CAPRIN1: variants seen among roughly 807,000 people sequenced by gnomAD.
CAPRIN1 encodes the protein caprin-1.
A neutral mutation model predicts 100.9 loss-of-function variants in CAPRIN1; 29 were observed. That is an observed-to-expected ratio of 0.29 (90% CI 0.21 to 0.39). The LOEUF (loss-of-function observed/expected upper bound fraction) is 0.39, where lower values mean the gene tolerates loss of function less well. CAPRIN1 is among the 10% of genes least tolerant of loss of function. The pLI is 1.00. For synonymous variants in CAPRIN1, 338 were observed against 307.5 expected, an observed-to-expected ratio of 1.10 and a Z score of -1.04; for missense variants, 795 against 876.7, an observed-to-expected ratio of 0.91 and a Z score of 1.18.
At chr11:34,071,576 T>A (rs1003707643) in intron 2 of CAPRIN1, 150 bp from the exon 3 acceptor site, 56 of 570,652 alleles carry the variant, frequency 9.8e-5, no homozygotes, top group East Asian at 6.8e-4. Context: ...AAAAAAAAAA[T>A]TTATGTACTT....
intron 16 of CAPRIN1, 40 bp downstream of exon 16, chr11:34,096,713 A>T: frequency 6.8e-7 from 1 of 1,460,268 alleles, no homozygotes; most frequent in Non-Finnish European, 9.3e-7. Flanking sequence ...ACCTTTTACT[A>T]GTTCAAATTA....
chr11:34,064,786 T>C (rs1324212206), intron 2 of CAPRIN1, among the ~76,000 whole-genome samples: 1 of 152,080 alleles, frequency 6.6e-6, no homozygotes. Context: ...TGGTAACCCC[T>C]AAGTGTTCAG....
At chr11:34,056,025 GTTT>G (rs926216118) in intron 2 of CAPRIN1, among the ~76,000 whole-genome samples, 1 of 152,164 alleles carries the variant, frequency 6.6e-6, no homozygotes, top group Non-Finnish European at 1.5e-5. Context: ...AGACTTAACT[GTTT>G]TTAAGTATAA....
chr11:34,086,175 C>A lies in CAPRIN1; in HGVS notation c.1078C>A (p.Gln360Lys). The change falls in exon 10 of 19, where the codon CAA (glutamine) becomes AAA (lysine). Residue 360 changes from glutamine (Q) to lysine (K), a missense_variant. By Grantham distance (53) the Gln-to-Lys change is moderately conservative. Transcript: ENST00000341394. ...ADPLVRRQRV[Q>K]DLMAQMQGPY... ...TCCCCTTGTGAGAAGACAGCGAGTA[C>A]AAGACCTTATGGCACAAATGCAGGG... The A allele has an allele frequency of 6.2e-7, 1 of 1,614,158 alleles. No individual in the cohort carries two copies. Among genetic ancestry groups the A allele is most frequent in the East Asian group, 2.2e-5 (1 of 44,882 alleles).
In CAPRIN1 at chr11:34,052,522, C is replaced by T; in HGVS notation, c.102C>T (p.Ala34=). The T allele has an allele frequency of 6.2e-7, 1 of 1,604,416 alleles. No homozygotes were observed. The highest frequency in any genetic ancestry group is 8.5e-7 in the Non-Finnish European group (1 of 1,176,218). The stretch of plus-strand genomic sequence containing the variant: ...GTGAGGCGGCCGCGGGAGCCGGGGC[C>T]GCCGCGCCGGCTTCTCAGCACCCCG... ...SGSEAAAGAG[A]AAPASQHPAT... is the part of the protein sequence containing the mutation. Residue 34 remains alanine (A), a synonymous_variant, in exon 2 of 19, where the codon GCC becomes GCT. Transcript: ENST00000341394.
intron 9 of CAPRIN1, among the ~76,000 whole-genome samples, chr11:34,085,483 G>A (rs1013515078): frequency 6.6e-6 from 1 of 152,210 alleles, no homozygotes; most frequent in Admixed American, 6.5e-5. Flanking sequence ...TGTAAACACA[G>A]GTAATCTTTC....
chr11:34,062,524 C>T (rs111941440), intron 2 of CAPRIN1, among the ~76,000 whole-genome samples: 1,826 of 150,656 alleles, frequency 0.012, 28 homozygotes, highest in Non-Finnish European at 0.016. Context: ...ACTCGGGAGG[C>T]TGAGGCAGGA....
intron 11 of CAPRIN1, among the ~76,000 whole-genome samples, chr11:34,087,258 G>A (rs543086238): frequency 8.8e-4 from 133 of 150,618 alleles, no homozygotes; most frequent in African/African-American, 3.1e-3. Context: ...GTAAAAGTAT[G>A]TTTAATGACA....
intron 2 of CAPRIN1, 181 bp downstream of exon 2, chr11:34,052,817 G>C: frequency 6.9e-7 from 1 of 1,449,946 alleles, no homozygotes; most frequent in Non-Finnish European, 9.1e-7. Context: ...CCCAGAAAAC[G>C]GGCTCTTGGA....
chr11:34,077,165 A>G (rs1390045187), intron 6 of CAPRIN1, among the ~76,000 whole-genome samples: 1 of 152,254 alleles, frequency 6.6e-6, no homozygotes, highest in Admixed American at 6.5e-5. Context: ...TGTGGAAATC[A>G]GAACACCAGC....
intron 11 of CAPRIN1, among the ~76,000 whole-genome samples, chr11:34,088,740 A>G (rs1361015105): frequency 6.6e-6 from 1 of 152,140 alleles, no homozygotes; most frequent in African/African-American, 2.4e-5. Context: ...ATGCCACTTT[A>G]TTGTACAGCT....
chr11:34,063,041 T>C (rs767137328), intron 2 of CAPRIN1: 5 of 152,162 alleles, frequency 3.3e-5, no homozygotes, highest in Admixed American at 6.6e-5. Flanking sequence ...TTGTTGGCTA[T>C]AACAATAAAG....
chr11:34,090,688 T>TTAAC lies in CAPRIN1; in HGVS notation c.1554+15_1554+18dup. On this transcript the variant is annotated intron_variant, in intron 14 of 18. Transcript: ENST00000341394. ...CCAATCCATGCAAACGGTAAGCAAA[T>TTAAC]TAACTAACATTAATTGCCTAGTATG... is the stretch of plus-strand genomic sequence containing the variant. The TTAAC allele has an allele frequency of 6.2e-7, 1 of 1,609,426 alleles. No individual in the cohort carries two copies. The highest frequency in any genetic ancestry group is 1.1e-5 in the South Asian group (1 of 90,828).
At chr11:34,060,659 C>T (rs1046410516) in intron 2 of CAPRIN1, among the ~76,000 whole-genome samples, 10 of 152,112 alleles carry the variant, frequency 6.6e-5, no homozygotes, top group South Asian at 2.1e-4. Context: ...TTTAAAAGGA[C>T]GACGGTAGAA....
At position 34,052,469 on chromosome 11, in the gene CAPRIN1, C is replaced by G. The variant is rs1185250576; in HGVS notation, c.49C>G (p.Pro17Ala). 2.5e-6 allele frequency: 4 copies of G among 1,607,554 alleles called. No homozygotes were observed. Among genetic ancestry groups the G allele is most frequent in the Non-Finnish European group, 2.5e-6 (3 of 1,178,702 alleles). Residue 17 changes from proline (P) to alanine (A), a missense_variant, in exon 2 of 19, where the codon CCG (proline) becomes GCG (alanine). This residue lies in a region of CAPRIN1 where 109 missense variants were observed against 86.6 expected (regional missense o/e 1.26). Coordinates refer to ENST00000341394, the MANE Select transcript of CAPRIN1 (RefSeq NM_005898.5). ...HSGSGSKSSG[P>A]PPPSGSSGSE... ...CGGGAGCGGCAGCAAGTCGTCCGGACCGCCACCGCCGTCGGGTTCCTCCGG... is the reference window on the plus strand; with the variant it reads ...CGGGAGCGGCAGCAAGTCGTCCGGAGCGCCACCGCCGTCGGGTTCCTCCGG...
At position 34,091,954 on chromosome 11, in the gene CAPRIN1, T is replaced by G; in HGVS notation, c.1603T>G (p.Leu535Val). Reference sequence around the variant, plus strand: ...TCCTCCTGTTAATGAACCAGAAACTTTAAAACAGCAAAATCAGTACCAGGC... The same window carrying G: ...TCCTCCTGTTAATGAACCAGAAACTGTAAAACAGCAAAATCAGTACCAGGC... ...PVPPVNEPET[L>V]KQQNQYQASY... The change falls in exon 15 of 19, where the codon TTA becomes GTA. Residue 535 changes from leucine (L) to valine (V), a missense_variant. This residue lies in a region of CAPRIN1 where 648 missense variants were observed against 697.9 expected (regional missense o/e 0.93). Transcript: ENST00000341394. 2 of 1,613,984 alleles carry G rather than the reference T, an allele frequency of 1.2e-6. No homozygotes were observed. Among genetic ancestry groups the G allele is most frequent in the African/African-American group, 2.7e-5 (2 of 75,054 alleles).
intron 12 of CAPRIN1, 55 bp from the exon 13 acceptor site, chr11:34,090,124 T>G (rs1339575888): frequency 2.6e-6 from 3 of 1,150,010 alleles, no homozygotes; most frequent in Non-Finnish European, 3.9e-6. Flanking sequence ...ACTTGTTTTT[T>G]TAACAGTCAA....
chr11:34,101,461 GT>G lies in CAPRIN1; in HGVS notation c.*2097del, dbSNP rs1243393265. Reference sequence around the variant, plus strand: ...TCTTCACACAGTGACCTCTGAATCAGTTTCAGAGAAGGGATGGGGGAGAAAA... The same window carrying G: ...TCTTCACACAGTGACCTCTGAATCAGTTCAGAGAAGGGATGGGGGAGAAAA... On this transcript the variant is annotated 3_prime_UTR_variant, in exon 19 of 19. Transcript: ENST00000341394. Among the ~76,000 whole-genome samples the G allele has an allele frequency of 2.0e-4, 31 of 152,204 alleles. No individual in the cohort carries two copies. The highest frequency in any genetic ancestry group is 1.0e-4 in the Non-Finnish European group (7 of 68,024).
At chr11:34,097,660 A>C in intron 17 of CAPRIN1, 38 bp from the exon 18 acceptor site, 1 of 1,612,862 alleles carries the variant, frequency 6.2e-7, no homozygotes, top group Non-Finnish European at 8.5e-7. Flanking sequence ...GCATTTTTTA[A>C]AAAGTACCTT....
Sources: gnomAD v4.1 joint callset for allele counts (sites outside exome capture counted in the v4.1 genomes callset) on GRCh38, gnomAD v4.1.1 for gene constraint, gnomAD v4.1.1 regional missense constraint, MANE v1.5 for transcripts, NCBI Gene and HGNC (gene_info 2026-07-23, HGNC 2026-07-21) for gene names.